Variants in FGF14 observed in about 807,000 individuals in gnomAD.
The protein encoded by FGF14 is fibroblast growth factor 14.
A neutral mutation model predicts 25.5 loss-of-function variants in FGF14; 5 were observed. The observed-to-expected ratio is 0.20, with a 90% CI of 0.10 to 0.41. The LOEUF (loss-of-function observed/expected upper bound fraction) is 0.41, where lower values mean the gene tolerates loss of function less well. Among genes scored for constraint, FGF14 ranks in the 10% least tolerant of loss-of-function variants. The probability of loss-of-function intolerance (pLI) is 1.00; values close to 1 mark genes in which losing one functional copy is unlikely to be tolerated. For missense variants in FGF14, 222 were observed against 320.1 expected, an observed-to-expected ratio of 0.69 and a Z score of 2.34; for synonymous variants, 138 against 118.3, an observed-to-expected ratio of 1.17 and a Z score of -1.08.
intron 3 of FGF14, among the ~76,000 whole-genome samples, chr13:101,793,709 T>C (rs1465939143): frequency 6.6e-6 from 1 of 152,056 alleles, no homozygotes; most frequent in Non-Finnish European, 1.5e-5. Flanking sequence ...GTGCACAGCC[T>C]CTTCTGTCCC....
chr13:102,268,647 T>C (rs898674093), intron 1 of FGF14, among the ~76,000 whole-genome samples: 4 of 152,118 alleles, frequency 2.6e-5, no homozygotes, highest in Non-Finnish European at 4.4e-5. Context: ...TAATTTTATA[T>C]GATGATGGTG....
intron 1 of FGF14, among the ~76,000 whole-genome samples, chr13:102,242,796 G>C (rs1295658481): frequency 1.3e-5 from 2 of 152,030 alleles, no homozygotes; most frequent in South Asian, 2.1e-4. Context: ...TATTTTGCTT[G>C]GAAATCCATT....
chr13:101,778,347 T>C (rs1200465539), intron 3 of FGF14, among the ~76,000 whole-genome samples: 1 of 152,146 alleles, frequency 6.6e-6, no homozygotes, highest in African/African-American at 2.4e-5. Flanking sequence ...CATGTGAATG[T>C]TGCAACACCA....
intron 1 of FGF14, among the ~76,000 whole-genome samples, chr13:101,964,824 T>G (rs1428176130): frequency 6.6e-6 from 1 of 152,180 alleles, no homozygotes; most frequent in Admixed American, 6.5e-5. Flanking sequence ...AGGATACAAA[T>G]AGTTGTGCAC....
At chr13:102,328,188 A>G (rs1476870737) in intron 1 of FGF14, among the ~76,000 whole-genome samples, 2 of 152,262 alleles carry the variant, frequency 1.3e-5, no homozygotes, top group East Asian at 3.9e-4. Flanking sequence ...ATAAACAAAC[A>G]TTTGCAACTT....
intron 1 of FGF14, among the ~76,000 whole-genome samples, chr13:102,310,218 A>G (rs1022300205): frequency 1.3e-5 from 2 of 152,222 alleles, no homozygotes; most frequent in African/African-American, 4.8e-5. Context: ...AGGAAAAACA[A>G]GAGGATAGTT....
Position 101,907,812 on chromosome 13 carries a change from T to C in FGF14, c.193+8641A>G, listed in dbSNP as rs373333557. 8.5e-4 allele frequency among the ~76,000 whole-genome samples: 130 copies of C among 152,228 alleles called. 2 individuals are homozygous for C. In the Middle Eastern group the frequency reaches 0.014, roughly 16 times the overall value. On this transcript the variant is annotated intron_variant, in intron 1 of 4. Transcript: ENST00000376143. The stretch of plus-strand genomic sequence containing the variant: ...GATGTGGGATAACACAGTAGGATGA[T>C]GCAGAAGAGAAGAAAATTATTGGAT...
intron 1 of FGF14, among the ~76,000 whole-genome samples, chr13:102,369,567 C>G (rs1436893610): frequency 1.3e-5 from 2 of 152,170 alleles, no homozygotes; most frequent in African/African-American, 4.8e-5. Context: ...GTCGCACTTT[C>G]TCCCTACCCT....
chr13:101,913,409 G>A (rs2033153263), intron 1 of FGF14, among the ~76,000 whole-genome samples: 3 of 152,088 alleles, frequency 2.0e-5, no homozygotes, highest in Admixed American at 2.0e-4. Flanking sequence ...CTCTTCTATA[G>A]GGGTAGGGGT....
At chr13:101,751,948 A>C (rs900517891) in intron 3 of FGF14, among the ~76,000 whole-genome samples, 9 of 152,164 alleles carry the variant, frequency 5.9e-5, no homozygotes, top group African/African-American at 9.6e-5. Flanking sequence ...AACAAACAAA[A>C]AAAACAACTC....
intron 1 of FGF14, among the ~76,000 whole-genome samples, chr13:101,971,981 C>T (rs9557763): frequency 0.31 from 47,225 of 152,056 alleles, 7,962 homozygotes; most frequent in East Asian, 0.71. Context: ...GCTCAATGCT[C>T]AGGAACACAA....
intron 1 of FGF14, among the ~76,000 whole-genome samples, chr13:101,958,396 C>T (rs769706259): frequency 1.3e-5 from 2 of 152,204 alleles, no homozygotes; most frequent in Non-Finnish European, 2.9e-5. Flanking sequence ...CTTTACTTTC[C>T]TTTACTTCCT....
intron 1 of FGF14, among the ~76,000 whole-genome samples, chr13:102,254,533 C>T (rs1258744149): frequency 1.3e-5 from 2 of 152,102 alleles, no homozygotes; most frequent in Non-Finnish European, 2.9e-5. Context: ...ATTCTGATGG[C>T]CAGAAGCCCC....
In FGF14 at chr13:102,200,959, A is replaced by G. The variant is rs111331760; in HGVS notation, c.208+200512T>C. Among the ~76,000 whole-genome samples, 699 of 151,964 alleles carry G rather than the reference A, an allele frequency of 4.6e-3. 2 individuals are homozygous for G. Among genetic ancestry groups the G allele is most frequent in the African/African-American group, 0.016 (655 of 41,494 alleles). On this transcript the variant is annotated intron_variant, in intron 1 of 4. Coordinates refer to the FGF14 transcript ENST00000376131. ...CTACTAAAAACACAAAAAATTAGCC[A>G]GGCGTGGTGGGGGGCGCCTGTAGTC...
chr13:102,105,584 A>G (rs560619504), intron 1 of FGF14, among the ~76,000 whole-genome samples: 1 of 152,288 alleles, frequency 6.6e-6, no homozygotes, highest in African/African-American at 2.4e-5. Flanking sequence ...ATTATTGGAG[A>G]GTAGATTTCT....
chr13:101,791,949 C>A (rs570412470), intron 3 of FGF14, among the ~76,000 whole-genome samples: 56 of 152,132 alleles, frequency 3.7e-4, no homozygotes, highest in African/African-American at 1.3e-3. Context: ...CTAACTTTCC[C>A]TAGAGAATGA....
intron 1 of FGF14, among the ~76,000 whole-genome samples, chr13:102,185,306 T>C (rs1261593281): frequency 6.6e-6 from 1 of 152,172 alleles, no homozygotes; most frequent in Non-Finnish European, 1.5e-5. Context: ...CTTATGTTCA[T>C]GAGAAGAAAG....
intron 1 of FGF14, among the ~76,000 whole-genome samples, chr13:102,030,377 G>A (rs1228461389): frequency 1.3e-5 from 2 of 151,992 alleles, no homozygotes; most frequent in Middle Eastern, 3.2e-3. Flanking sequence ...GTCAGTTTGT[G>A]TAGATATGGT....
Position 102,136,093 on chromosome 13 carries a change from C to T in FGF14, c.209-260797G>A, listed in dbSNP as rs2046397115. On this transcript the variant is annotated intron_variant, in intron 1 of 4. Transcript: ENST00000376131. ...TAATATATCATATTGTGACCCAGAA[C>T]TCTTTAGCTTAATGATAATGATAGG... Among the ~76,000 whole-genome samples, 3 of 152,084 alleles carry T rather than the reference C, an allele frequency of 2.0e-5. No individual in the cohort carries two copies. In the South Asian group the frequency reaches 6.2e-4, roughly 32 times the overall value.
Sources: gnomAD v4.1 joint callset for allele counts (sites outside exome capture counted in the v4.1 genomes callset) on GRCh38, gnomAD v4.1.1 for gene constraint, MANE v1.5 for transcripts, NCBI Gene and HGNC (gene_info 2026-07-23, HGNC 2026-07-21) for gene names.